The following CDH18 variants were observed in gnomAD, a reference collection of about 807,000 sequenced individuals.
The protein encoded by CDH18 is cadherin 18.
A neutral mutation model predicts 67.9 loss-of-function variants in CDH18; 31 were observed. The ratio of observed to expected loss-of-function variants is 0.46; its 90% CI spans 0.34 to 0.62. The LOEUF is 0.62. CDH18 is among the 20% of genes least tolerant of loss of function. The pLI is 0.01. For missense variants in CDH18, 890 were observed against 975.5 expected, an observed-to-expected ratio of 0.91 and a Z score of 1.17; for synonymous variants, 362 against 347.2, an observed-to-expected ratio of 1.04 and a Z score of -0.48.
rs144511001 is a variant in CDH18, at chr5:20,080,271, T to C, written c.-517-88257A>G. ...TTTATTACATTGGCCTTCCTTGAAA[T>C]AGCAAAGTTTAAAGTATATTTAACA... On this transcript the variant is annotated intron_variant, in intron 2 of 14. Coordinates refer to the CDH18 transcript ENST00000507958. Among the ~76,000 whole-genome samples, 1,325 of 152,274 alleles carry C rather than the reference T, an allele frequency of 8.7e-3. 25 individuals carry two copies. The highest frequency in any genetic ancestry group is 0.028 in the African/African-American group (1,183 of 41,566).
At chr5:19,534,208 C>G (rs565541508) in intron 9 of CDH18, among the ~76,000 whole-genome samples, 4 of 151,886 alleles carry the variant, frequency 2.6e-5, no homozygotes, top group Non-Finnish European at 5.9e-5. Flanking sequence ...GTCCACATGC[C>G]TTTCATTTTG....
chr5:20,346,210 A>G (rs1277732420), intron 1 of CDH18, among the ~76,000 whole-genome samples: 1 of 152,198 alleles, frequency 6.6e-6, no homozygotes, highest in Non-Finnish European at 1.5e-5. Context: ...GAGACTAACA[A>G]CATGGAACAC....
chr5:19,758,886 T>G (rs4276412), intron 3 of CDH18, among the ~76,000 whole-genome samples: 20,945 of 152,196 alleles, frequency 0.14, 3,661 homozygotes, highest in African/African-American at 0.4. Context: ...ATCAGCACAA[T>G]GTCACCAATG....
intron 2 of CDH18, among the ~76,000 whole-genome samples, chr5:19,951,999 T>C (rs1213724436): frequency 1.3e-5 from 2 of 152,028 alleles, no homozygotes; most frequent in Non-Finnish European, 2.9e-5. Context: ...AAAAGATCCT[T>C]CCTTATTTTT....
At chr5:20,456,582 T>G (rs1750849152) in intron 1 of CDH18, among the ~76,000 whole-genome samples, 1 of 152,104 alleles carries the variant, frequency 6.6e-6, no homozygotes, top group Non-Finnish European at 1.5e-5. Flanking sequence ...ATTCCAAAAT[T>G]CAGTATTTCT....
chr5:19,490,188 T>C (rs562078713), intron 11 of CDH18, among the ~76,000 whole-genome samples: 1 of 152,002 alleles, frequency 6.6e-6, no homozygotes, highest in East Asian at 1.9e-4. Flanking sequence ...CAAGTGAATG[T>C]ATAATTCTAT....
chr5:19,768,646 A>G (rs995476369), intron 3 of CDH18, among the ~76,000 whole-genome samples: 1 of 152,118 alleles, frequency 6.6e-6, no homozygotes, highest in Non-Finnish European at 1.5e-5. Context: ...CTCACTGATA[A>G]TTAAGGCAAG....
Position 20,180,871 on chromosome 5 carries a change from ACTG to A in CDH18, c.-518+74570_-518+74572del, listed in dbSNP as rs748133943. Among the ~76,000 whole-genome samples, 1,258 of 152,282 alleles carry A rather than the reference ACTG, an allele frequency of 8.3e-3. 14 individuals carry two copies. The highest frequency in any genetic ancestry group is 0.012 in the Non-Finnish European group (803 of 68,018). ...CCCGCGATAGACATGAAAAAAATTA[ACTG>A]TGGGGATATAGACGGATCATTGATA... is the stretch of plus-strand genomic sequence containing the variant. On this transcript the variant is annotated intron_variant, in intron 2 of 14. Transcript: ENST00000507958.
At chr5:19,585,588 A>G (rs958990280) in intron 7 of CDH18, among the ~76,000 whole-genome samples, 1 of 152,064 alleles carries the variant, frequency 6.6e-6, no homozygotes, top group Non-Finnish European at 1.5e-5. Flanking sequence ...TAAATTACTT[A>G]TCCTCTCTTC....
At chr5:19,495,701 A>G (rs1451667288) in intron 11 of CDH18, among the ~76,000 whole-genome samples, 1 of 150,234 alleles carries the variant, frequency 6.7e-6, no homozygotes, top group African/African-American at 2.5e-5. Context: ...CCTGGGCAAA[A>G]AGAGTGAAAC....
At chr5:19,665,613 A>C (rs992218655) in intron 5 of CDH18, among the ~76,000 whole-genome samples, 1 of 152,034 alleles carries the variant, frequency 6.6e-6, no homozygotes, top group Non-Finnish European at 1.5e-5. Context: ...AAAATGTTGA[A>C]GGTTATTAAA....
intron 3 of CDH18, among the ~76,000 whole-genome samples, chr5:19,772,338 T>C (rs891815193): frequency 6.6e-6 from 1 of 151,852 alleles, no homozygotes; most frequent in Admixed American, 6.6e-5. Context: ...CCCAATAAAA[T>C]CCCAAGAGTT....
chr5:19,987,579 C>T (rs1799700759), intron 1 of CDH18, among the ~76,000 whole-genome samples: 1 of 151,680 alleles, frequency 6.6e-6, no homozygotes, highest in Admixed American at 6.6e-5. Flanking sequence ...GCTTGTCCTG[C>T]TGCAGTTTCA....
intron 1 of CDH18, among the ~76,000 whole-genome samples, chr5:20,382,468 C>A (rs192536851): frequency 2.6e-5 from 4 of 152,134 alleles, no homozygotes; most frequent in Admixed American, 2.6e-4. Context: ...TTGGCTTTCA[C>A]AGTGAAGGGC....
At chr5:20,451,274 T>C (rs13180247) in intron 1 of CDH18, among the ~76,000 whole-genome samples, 61,503 of 152,074 alleles carry the variant, frequency 0.4, 14,280 homozygotes, top group Non-Finnish European at 0.52. Flanking sequence ...TTAGTGTTTG[T>C]TGAATGAATA....
At position 20,526,035 on chromosome 5, in the gene CDH18, G is replaced by A. The variant is rs139938393; in HGVS notation, c.-580+49427C>T. Among the ~76,000 whole-genome samples, 211 of 151,588 alleles carry A rather than the reference G, an allele frequency of 1.4e-3. 3 individuals are homozygous for A. The highest frequency in any genetic ancestry group is 4.5e-3 in the African/African-American group (185 of 40,862). ...AAGTTCACTGCAGCTCTAGTCAGTAGTTTTCTTCTGCCAGTGCAAGGGAGG... is the reference window on the plus strand; with the variant it reads ...AAGTTCACTGCAGCTCTAGTCAGTAATTTTCTTCTGCCAGTGCAAGGGAGG... On this transcript the variant is annotated intron_variant, in intron 1 of 14. Coordinates refer to the CDH18 transcript ENST00000507958.
intron 2 of CDH18, among the ~76,000 whole-genome samples, chr5:20,111,877 A>G (rs898149978): frequency 6.6e-6 from 1 of 152,088 alleles, no homozygotes; most frequent in Non-Finnish European, 1.5e-5. Flanking sequence ...ACTACTTACA[A>G]TATAATTACA....
intron 1 of CDH18, chr5:20,304,144 C>G (rs1341087504): frequency 1.3e-5 from 21 of 1,581,894 alleles, no homozygotes; most frequent in Middle Eastern, 3.4e-4. Flanking sequence ...TGGCATTCTT[C>G]TCGTCAATTG....
chr5:19,648,520 G>C (rs968897812), intron 5 of CDH18, among the ~76,000 whole-genome samples: 1 of 152,052 alleles, frequency 6.6e-6, no homozygotes, highest in African/African-American at 2.4e-5. Flanking sequence ...TTTATGTTTT[G>C]TTTTATTGTT....
Sources: allele counts gnomAD v4.1 joint callset (sites outside exome capture counted in the v4.1 genomes callset), GRCh38; gene constraint gnomAD v4.1.1; transcripts MANE v1.5; gene names NCBI Gene and HGNC (gene_info 2026-07-23, HGNC 2026-07-21).